The following CCDC7 variants were observed in gnomAD, a reference collection of about 807,000 sequenced individuals.
CCDC7 encodes the protein coiled-coil domain-containing protein 7.
Under a neutral mutation model 196.9 loss-of-function variants are expected in CCDC7, and 183 were observed. That is an observed-to-expected ratio of 0.93 (90% confidence interval 0.82 to 1.05). The LOEUF is 1.05. Ranked by LOEUF, CCDC7 falls within the 50% of genes least tolerant of loss-of-function variation. The pLI is 0.00. For missense variants in CCDC7, 1,540 were observed against 1,482.2 expected, an observed-to-expected ratio of 1.04 and a Z score of -0.64; for synonymous variants, 525 against 484.6, an observed-to-expected ratio of 1.08 and a Z score of -1.10.
chr10:32,695,403 G>A (rs530579268), intron 24 of CCDC7, among the ~76,000 whole-genome samples: 3 of 152,278 alleles, frequency 2.0e-5, no homozygotes, highest in South Asian at 4.1e-4. Flanking sequence ...ATCAGAGAAG[G>A]CCAAGGGGAA....
chr10:32,867,817 C>T (rs1001742254), intron 41 of CCDC7, among the ~76,000 whole-genome samples: 6 of 151,616 alleles, frequency 4.0e-5, no homozygotes, highest in African/African-American at 1.5e-4. Flanking sequence ...ACAGTTTAGT[C>T]GCATTAAATA....
At chr10:32,780,086 A>T (rs939720722) in intron 29 of CCDC7, among the ~76,000 whole-genome samples, 2 of 152,106 alleles carry the variant, frequency 1.3e-5, no homozygotes, top group African/African-American at 2.4e-5. Flanking sequence ...AAATACAAAA[A>T]ATTAGACAGG....
At chr10:32,498,238 C>T (rs747349756) in intron 9 of CCDC7, among the ~76,000 whole-genome samples, 2 of 152,060 alleles carry the variant, frequency 1.3e-5, no homozygotes, top group African/African-American at 2.4e-5. Flanking sequence ...TTTCCATTTG[C>T]TTGATAAATC....
rs2049114638 is a variant in CCDC7, at chr10:32,528,721, T to C, written c.993+10216T>C. On this transcript the variant is annotated intron_variant, in intron 11 of 41. Coordinates refer to ENST00000639629, the Ensembl canonical transcript of CCDC7. Reference sequence around the variant, plus strand: ...ACATATATATGTATATATACATATATACGTATTTACGTATATATGTATATA... The same window carrying C: ...ACATATATATGTATATATACATATACACGTATTTACGTATATATGTATATA... Among the ~76,000 whole-genome samples, 6 of 143,830 alleles carry C rather than the reference T, an allele frequency of 4.2e-5. No homozygotes were observed. The South Asian group carries it at 1.3e-3, about 30-fold the overall frequency. 94.4% of individuals were successfully genotyped at this position (143,830 alleles called of 152,430 possible).
intron 13 of CCDC7, among the ~76,000 whole-genome samples, chr10:32,562,033 A>G (rs756027014): frequency 3.9e-5 from 6 of 152,364 alleles, no homozygotes; most frequent in Non-Finnish European, 8.8e-5. Context: ...CTCTCCGCAA[A>G]TAAACTAGAA....
At chr10:32,571,952 C>A (rs2137086154) in intron 16 of CCDC7, 59 bp downstream of exon 17, 1 of 1,421,776 alleles carries the variant, frequency 7.0e-7, no homozygotes, top group African/African-American at 1.5e-5. Context: ...GTTCACATAC[C>A]TAAGCAATGA....
chr10:32,646,904 G>A (rs2067864696), intron 20 of CCDC7, among the ~76,000 whole-genome samples: 1 of 152,056 alleles, frequency 6.6e-6, no homozygotes, highest in Admixed American at 6.5e-5. Flanking sequence ...TGCTGCAAAG[G>A]ACACGATCTC....
At chr10:32,877,339 A>C (rs993097382), downstream of CCDC7, among the ~76,000 whole-genome samples, 2 of 152,248 alleles carry the variant, frequency 1.3e-5, no homozygotes, top group Admixed American at 1.3e-4. Flanking sequence ...CAAAGGTAAC[A>C]TAAATGTGAA....
At chr10:32,703,786 C>T (rs2079184497) in intron 24 of CCDC7, among the ~76,000 whole-genome samples, 1 of 152,110 alleles carries the variant, frequency 6.6e-6, no homozygotes, top group Non-Finnish European at 1.5e-5. Context: ...CACTGATACC[C>T]TTTCTTCCAG....
chr10:32,584,392 A>G, intron 18 of CCDC7, 88 bp downstream of exon 19: 1 of 833,172 alleles, frequency 1.2e-6, no homozygotes, highest in Non-Finnish European at 1.9e-6. Context: ...AGGGGAAAAC[A>G]TTATTAAATA....
At chr10:32,551,415 G>T (rs981922763) in intron 13 of CCDC7, among the ~76,000 whole-genome samples, 1 of 151,868 alleles carries the variant, frequency 6.6e-6, no homozygotes, top group African/African-American at 2.4e-5. Context: ...CTCTGATCTT[G>T]GTTGTTTCCT....
At chr10:32,675,488 T>A (rs2074787560) in intron 21 of CCDC7, among the ~76,000 whole-genome samples, 1 of 152,194 alleles carries the variant, frequency 6.6e-6, no homozygotes, top group Non-Finnish European at 1.5e-5. Flanking sequence ...TTTTTGTGAT[T>A]ATAGTTATCC....
intron 3 of CCDC7, among the ~76,000 whole-genome samples, chr10:32,460,335 G>A (rs1315811321): frequency 6.6e-6 from 1 of 152,162 alleles, no homozygotes; most frequent in Non-Finnish European, 1.5e-5. Flanking sequence ...GCATTTCACA[G>A]TGGATCAGTT....
intron 33 of CCDC7, among the ~76,000 whole-genome samples, chr10:32,839,902 T>A (rs1394531756): frequency 6.6e-6 from 1 of 152,006 alleles, no homozygotes; most frequent in East Asian, 1.9e-4. Context: ...TCCAGAATGA[T>A]CATTGGGTCA....
chr10:32,865,625 A>G (rs1015947454), intron 41 of CCDC7, among the ~76,000 whole-genome samples: 2 of 151,792 alleles, frequency 1.3e-5, no homozygotes, highest in South Asian at 2.1e-4. Flanking sequence ...AGTGATGGCA[A>G]TGTTCTGTTA....
intron 41 of CCDC7, among the ~76,000 whole-genome samples, chr10:32,867,972 T>A (rs2094267723): frequency 6.6e-6 from 1 of 151,954 alleles, no homozygotes; most frequent in Non-Finnish European, 1.5e-5. Flanking sequence ...TTTGTCTCTA[T>A]AAATTTAGCT....
At chr10:32,663,267 C>A (rs1323433574) in intron 20 of CCDC7, among the ~76,000 whole-genome samples, 1 of 152,256 alleles carries the variant, frequency 6.6e-6, no homozygotes, top group African/African-American at 2.4e-5. Context: ...ACTCTACATA[C>A]TTTTTCATCA....
At chr10:32,782,906 G>C (rs1018005398) in intron 29 of CCDC7, among the ~76,000 whole-genome samples, 1 of 152,220 alleles carries the variant, frequency 6.6e-6, no homozygotes, top group African/African-American at 2.4e-5. Flanking sequence ...TAAGAAGGCA[G>C]TCTTTCCACA....
At chr10:32,682,749 A>T (rs2076008518) in intron 21 of CCDC7, among the ~76,000 whole-genome samples, 1 of 152,124 alleles carries the variant, frequency 6.6e-6, no homozygotes, top group African/African-American at 2.4e-5. Flanking sequence ...ATGATTAGTG[A>T]TGTTAAGCAT....
Sources: allele counts gnomAD v4.1 joint callset (sites outside exome capture counted in the v4.1 genomes callset), GRCh38; gene constraint gnomAD v4.1.1; transcripts MANE v1.5; gene names NCBI Gene and HGNC (gene_info 2026-07-23, HGNC 2026-07-21).